Variants in NAV1 observed in about 807,000 individuals in gnomAD.
NAV1 encodes pore membrane and/or filament interacting like protein 3.
NAV1 carries 18 observed loss-of-function variants against 175.2 expected under a neutral mutation model. The ratio of observed to expected loss-of-function variants is 0.10; its 90% confidence interval spans 0.07 to 0.15. NAV1 has a LOEUF of 0.15. Among genes scored for constraint, NAV1 ranks in the 10% least tolerant of loss-of-function variants. The pLI is 1.00. For missense variants in NAV1, 1,731 were observed against 2,436.6 expected (o/e 0.71, Z 6.10); for synonymous variants, 897 against 978.7 (o/e 0.92, Z 1.56).
intron 3 of NAV1, chr1:201,724,082 C>T (rs934004448): frequency 6.6e-6 from 1 of 152,168 alleles, no homozygotes; most frequent in Non-Finnish European, 1.5e-5. Context: ...AAATTTGGCA[C>T]CTAGACTGAT....
intron 3 of NAV1, among the ~76,000 whole-genome samples, chr1:201,747,010 G>C (rs58059867): frequency 6.7e-6 from 1 of 149,200 alleles, no homozygotes; most frequent in African/African-American, 2.5e-5. Flanking sequence ...AAAAAAAAAT[G>C]AAGAAATTTG....
chr1:201,725,650 TA>T (rs5780086), intron 3 of NAV1, among the ~76,000 whole-genome samples: 5 of 147,700 alleles, frequency 3.4e-5, no homozygotes, highest in African/African-American at 1.0e-4. Context: ...CTCCGTCTCT[TA>T]AAAAAAAAAA....
exon 30 of NAV1, chr1:201,822,698 T>C (rs1679456231): frequency 6.5e-6 from 1 of 152,686 alleles, no homozygotes; most frequent in East Asian, 1.9e-4. Flanking sequence ...CTCCAATTGC[T>C]TTCCTCCAGA....
chr1:201,786,415 G>T lies in NAV1; in HGVS notation c.2847-14G>T. Reference sequence around the variant, plus strand: ...TGCTAGTCCCAGACTGAGTTCTTCTGCTGCTTCCTACAGGTACCAGCTTCA... The same window carrying T: ...TGCTAGTCCCAGACTGAGTTCTTCTTCTGCTTCCTACAGGTACCAGCTTCA... On this transcript the variant is annotated splice_polypyrimidine_tract_variant and intron_variant, in intron 8 of 29. Transcript: ENST00000367296. 1 of 1,607,874 alleles carries T rather than the reference G, an allele frequency of 6.2e-7. No individual in the cohort carries two copies. Among genetic ancestry groups the T allele is most frequent in the Non-Finnish European group, 8.5e-7 (1 of 1,176,556 alleles).
At chr1:201,627,727 C>T (rs1393743298) in intron 1 of NAV1, among the ~76,000 whole-genome samples, 1 of 152,148 alleles carries the variant, frequency 6.6e-6, no homozygotes, top group Admixed American at 6.5e-5. Context: ...GTTACTTTCT[C>T]ACCAATATGT....
upstream of NAV1, among the ~76,000 whole-genome samples, chr1:201,645,232 T>C (rs2981826): frequency 0.072 from 10,919 of 151,786 alleles, 1,248 homozygotes; most frequent in African/African-American, 0.24. Context: ...TAAAAAATGA[T>C]GAGTTCATGT....
At chr1:201,591,922 T>C (rs1375381818) in intron 2 of NAV1, among the ~76,000 whole-genome samples, 1 of 152,154 alleles carries the variant, frequency 6.6e-6, no homozygotes, top group East Asian at 1.9e-4. Flanking sequence ...CAGCCTTAGA[T>C]ATCAAAATTG....
At chr1:201,755,777 C>A (rs774611388) in intron 3 of NAV1, among the ~76,000 whole-genome samples, 16 of 151,928 alleles carry the variant, frequency 1.1e-4, no homozygotes, top group Non-Finnish European at 2.2e-4. Flanking sequence ...TTATGCCTGG[C>A]GTGGAGAAGA....
intron 2 of NAV1, among the ~76,000 whole-genome samples, chr1:201,714,288 T>C (rs898404177): frequency 6.6e-6 from 1 of 152,234 alleles, no homozygotes; most frequent in Admixed American, 6.5e-5. Context: ...TAGTCTTAAG[T>C]AGCTTTCAGC....
At chr1:201,611,857 G>A (rs936750575) in intron 2 of NAV1, among the ~76,000 whole-genome samples, 1 of 152,194 alleles carries the variant, frequency 6.6e-6, no homozygotes, top group African/African-American at 2.4e-5. Context: ...GGGACAGCAA[G>A]GGACAGGGAG....
exon 1 of NAV1, chr1:201,648,638 G>T (rs1458946635): frequency 2.3e-6 from 3 of 1,296,340 alleles, no homozygotes; most frequent in South Asian, 2.6e-5. Flanking sequence ...CTGCAGACGC[G>T]CGGATCGTCC....
chr1:201,723,521 A>G (rs951541653), intron 3 of NAV1: 2 of 152,216 alleles, frequency 1.3e-5, no homozygotes, highest in Non-Finnish European at 2.9e-5. Flanking sequence ...ATCTAACGCC[A>G]TGCAGCTTTT....
At chr1:201,636,346 C>T (rs1668618540) in intron 2 of NAV1, among the ~76,000 whole-genome samples, 1 of 152,170 alleles carries the variant, frequency 6.6e-6, no homozygotes, top group Non-Finnish European at 1.5e-5. Context: ...GAGAGACTTC[C>T]CTCCCCACTA....
intron 15 of NAV1, among the ~76,000 whole-genome samples, chr1:201,802,653 G>C (rs1366683245): frequency 1.3e-5 from 2 of 151,474 alleles, no homozygotes; most frequent in African/African-American, 4.9e-5. Flanking sequence ...GGTGGCGGGT[G>C]CCTGTAATCC....
chr1:201,749,015 G>T (rs1673939681), intron 3 of NAV1, among the ~76,000 whole-genome samples: 1 of 152,014 alleles, frequency 6.6e-6, no homozygotes, highest in Admixed American at 6.5e-5. Context: ...AGGCATGGTG[G>T]CAGGTGACTA....
intron 1 of NAV1, among the ~76,000 whole-genome samples, chr1:201,563,112 A>C (rs1447026926): frequency 6.6e-6 from 1 of 151,994 alleles, no homozygotes; most frequent in African/African-American, 2.4e-5. Flanking sequence ...TGTGTGGGGG[A>C]AGCTACAGAC....
chr1:201,720,272 G>A lies in NAV1; in HGVS notation c.1226+1517G>A, dbSNP rs185592512. 2.6e-5 allele frequency among the ~76,000 whole-genome samples: 4 copies of A among 152,336 alleles called. No homozygotes were observed. The East Asian group carries it at 7.7e-4, about 29-fold the overall frequency. ...TGCCCTCCTCTGAGAATCCCAGGAG[G>A]GTGCAGAGGGTGGCACAAGCCCTGC... On this transcript the variant is annotated intron_variant, in intron 3 of 29. Transcript: ENST00000367296.
chr1:201,584,838 A>G (rs1422345299), intron 1 of NAV1, among the ~76,000 whole-genome samples: 4 of 152,186 alleles, frequency 2.6e-5, no homozygotes, highest in African/African-American at 4.8e-5. Context: ...GAGAGTCCGG[A>G]GCAGACAGCA....
chr1:201,764,224 G>A (rs769349227), intron 3 of NAV1, among the ~76,000 whole-genome samples: 2 of 152,162 alleles, frequency 1.3e-5, no homozygotes, highest in African/African-American at 4.8e-5. Flanking sequence ...GCTTATTTTC[G>A]TAACTTAATG....
Sources: gnomAD v4.1 joint callset for allele counts (sites outside exome capture counted in the v4.1 genomes callset) on GRCh38, gnomAD v4.1.1 for gene constraint, MANE v1.5 for transcripts, NCBI Gene and HGNC (gene_info 2026-07-23, HGNC 2026-07-21) for gene names.